The following CADPS2 variants were observed in gnomAD, a reference collection of about 807,000 sequenced individuals.
CADPS2 encodes calcium-dependent secretion activator 2.
In CADPS2, 93 loss-of-function variants were observed where a neutral mutation model predicts 172.5. The ratio of observed to expected loss-of-function variants is 0.54; its 90% CI spans 0.46 to 0.64. CADPS2 has a LOEUF of 0.64. CADPS2 is among the 30% of genes least tolerant of loss of function. CADPS2 has a pLI of 0.00. For missense variants in CADPS2, 1,420 were observed against 1,565.9 expected (o/e 0.91, Z 1.57); for synonymous variants, 546 against 555.2 (o/e 0.98, Z 0.23).
At chr7:122,344,863 G>A (rs1281084411) in intron 28 of CADPS2, among the ~76,000 whole-genome samples, 1 of 152,028 alleles carries the variant, frequency 6.6e-6, no homozygotes, top group Non-Finnish European at 1.5e-5. Flanking sequence ...AGCTAATTAA[G>A]GCCTCCAGCA....
At chr7:122,780,174 A>T (rs1792311897) in intron 1 of CADPS2, among the ~76,000 whole-genome samples, 1 of 152,160 alleles carries the variant, frequency 6.6e-6, no homozygotes, top group African/African-American at 2.4e-5. Flanking sequence ...TTACATAAAA[A>T]TATAAATATA....
intron 24 of CADPS2, among the ~76,000 whole-genome samples, chr7:122,384,365 T>C (rs1489248503): frequency 6.6e-6 from 1 of 152,114 alleles, no homozygotes; most frequent in Non-Finnish European, 1.5e-5. Context: ...AGAAAAAACA[T>C]TGCTGCTATG....
chr7:122,790,472 C>T (rs1323524583), intron 1 of CADPS2, among the ~76,000 whole-genome samples: 2 of 151,302 alleles, frequency 1.3e-5, no homozygotes, highest in South Asian at 2.1e-4. Flanking sequence ...ATTAATGTTC[C>T]TATAATCCAA....
chr7:122,618,324 G>A (rs1377903295), intron 5 of CADPS2, among the ~76,000 whole-genome samples: 1 of 152,062 alleles, frequency 6.6e-6, no homozygotes, highest in South Asian at 2.1e-4. Flanking sequence ...GCACTGTTTA[G>A]GCACTTTCAA....
At chr7:122,587,579 C>T (rs974616232) in intron 6 of CADPS2, among the ~76,000 whole-genome samples, 4 of 151,976 alleles carry the variant, frequency 2.6e-5, no homozygotes, top group Non-Finnish European at 4.4e-5. Context: ...TGAACATATG[C>T]ATGCATGTAT....
At chr7:122,721,541 T>A (rs1238038335) in intron 2 of CADPS2, among the ~76,000 whole-genome samples, 1 of 152,122 alleles carries the variant, frequency 6.6e-6, no homozygotes, top group African/African-American at 2.4e-5. Flanking sequence ...ATTGAGGCAA[T>A]AATTAATAGC....
chr7:122,338,399 AAAACAAAC>A (rs534926510), intron 28 of CADPS2, among the ~76,000 whole-genome samples: 7 of 152,234 alleles, frequency 4.6e-5, no homozygotes, highest in Middle Eastern at 3.4e-3. Flanking sequence ...GTCTCAGAAA[AAAACAAAC>A]AAACAAACAA....
intron 7 of CADPS2, among the ~76,000 whole-genome samples, chr7:122,568,536 G>C (rs935468061): frequency 6.6e-6 from 1 of 152,026 alleles, no homozygotes; most frequent in Non-Finnish European, 1.5e-5. Flanking sequence ...AGAATAGAGA[G>C]TCCAGGAATA....
intron 3 of CADPS2, among the ~76,000 whole-genome samples, chr7:122,645,591 A>ATT (rs1304762429): frequency 1.8e-5 from 2 of 111,502 alleles, no homozygotes; most frequent in African/African-American, 6.0e-5. Flanking sequence ...GGCTATAGAG[A>ATT]TTATATATAT....
At chr7:122,610,432 CA>C (rs11362338) in intron 6 of CADPS2, among the ~76,000 whole-genome samples, 42,867 of 147,072 alleles carry the variant, frequency 0.29, 6,593 homozygotes, top group Non-Finnish European at 0.36. Context: ...CTACGATAAG[CA>C]AAAAAAAAAA....
chr7:122,869,528 C>A (rs1033126630), intron 1 of CADPS2, among the ~76,000 whole-genome samples: 69 of 151,130 alleles, frequency 4.6e-4, no homozygotes, highest in African/African-American at 1.7e-3. Context: ...CTCAGACACA[C>A]AAAAGCTAAA....
chr7:122,681,642 C>T (rs1394421493), intron 2 of CADPS2: 4 of 1,416,640 alleles, frequency 2.8e-6, no homozygotes, highest in South Asian at 1.1e-5. Context: ...TGCCCCACGT[C>T]CCCCACCAAA....
At chr7:122,508,351 C>T (rs912802381) in intron 9 of CADPS2, among the ~76,000 whole-genome samples, 1 of 146,246 alleles carries the variant, frequency 6.8e-6, no homozygotes, top group African/African-American at 2.5e-5. Flanking sequence ...TTCAAAGTGT[C>T]ATTGTTTGAT....
At chr7:122,860,945 AT>A (rs1816803249) in intron 1 of CADPS2, among the ~76,000 whole-genome samples, 1 of 152,198 alleles carries the variant, frequency 6.6e-6, no homozygotes, top group African/African-American at 2.4e-5. Flanking sequence ...TAATCTTTTT[AT>A]AGTTAAATAG....
chr7:122,773,161 G>A (rs1309089695), intron 1 of CADPS2, among the ~76,000 whole-genome samples: 2 of 152,072 alleles, frequency 1.3e-5, no homozygotes, highest in East Asian at 3.9e-4. Flanking sequence ...TATTTGTATT[G>A]ATTAAATGAA....
intron 8 of CADPS2, among the ~76,000 whole-genome samples, chr7:122,524,765 T>C (rs543571122): frequency 6.6e-6 from 1 of 152,286 alleles, no homozygotes. Context: ...TATAACTGGG[T>C]TTTTACATTG....
intron 12 of CADPS2, among the ~76,000 whole-genome samples, chr7:122,477,082 G>GAA (rs1491397854): frequency 4.0e-5 from 6 of 148,432 alleles, no homozygotes; most frequent in African/African-American, 1.5e-4. Context: ...GAGAGAGAGA[G>GAA]GGAGAGAGAG....
intron 9 of CADPS2, among the ~76,000 whole-genome samples, chr7:122,497,473 T>G (rs2058833065): frequency 6.6e-6 from 1 of 152,204 alleles, no homozygotes; most frequent in Admixed American, 6.5e-5. Context: ...CACTGATTCC[T>G]TAAATCTTGT....
chr7:122,754,666 G>A (rs928640556), intron 1 of CADPS2, among the ~76,000 whole-genome samples: 14 of 151,968 alleles, frequency 9.2e-5, no homozygotes, highest in Non-Finnish European at 2.1e-4. Flanking sequence ...TAGTAGAAAC[G>A]GGTTTCACCA....
Sources: gnomAD v4.1 joint callset for allele counts (sites outside exome capture counted in the v4.1 genomes callset) on GRCh38, gnomAD v4.1.1 for gene constraint, MANE v1.5 for transcripts, NCBI Gene and HGNC (gene_info 2026-07-23, HGNC 2026-07-21) for gene names.